Variants in CPED1 observed in about 807,000 individuals in gnomAD.
The protein encoded by CPED1 is cadherin like and PC-esterase domain containing 1, also known as cadherin-like and PC-esterase domain-containing protein 1.
Under a neutral mutation model 128.2 loss-of-function variants are expected in CPED1, and 114 were observed. That is an observed-to-expected ratio of 0.89 (90% confidence interval 0.76 to 1.04). CPED1 has a LOEUF of 1.04. CPED1 is among the 50% of genes least tolerant of loss of function. The pLI is 0.00. For synonymous variants in CPED1, 462 were observed against 426.7 expected (o/e 1.08, Z -1.02); for missense variants, 1,211 against 1,207.1 (o/e 1.00, Z -0.05).
At chr7:121,270,403 T>C (rs1490683486) in intron 21 of CPED1, among the ~76,000 whole-genome samples, 1 of 152,176 alleles carries the variant, frequency 6.6e-6, no homozygotes, top group Non-Finnish European at 1.5e-5. Flanking sequence ...GTTCCACTTA[T>C]CAATTTTTGG....
rs1794898682 is a variant in CPED1, at chr7:121,103,375, T to A, written c.918+3281T>A. 2.0e-5 allele frequency among the ~76,000 whole-genome samples: 3 copies of A among 152,306 alleles called. No individual in the cohort carries two copies. In the South Asian group the frequency reaches 6.2e-4, roughly 32 times the overall value. Reference sequence around the variant, plus strand: ...GTGGAGAAAGTGATTGTTTCCTTACTAGTTCAAAGTTACGCTTGATGATAC... The same window carrying A: ...GTGGAGAAAGTGATTGTTTCCTTACAAGTTCAAAGTTACGCTTGATGATAC... On this transcript the variant is annotated intron_variant, in intron 7 of 22. Coordinates refer to ENST00000310396, the MANE Select transcript of CPED1 (RefSeq NM_024913.5).
At chr7:121,094,855 T>G (rs1364686993) in intron 5 of CPED1, among the ~76,000 whole-genome samples, 1 of 152,176 alleles carries the variant, frequency 6.6e-6, no homozygotes, top group Non-Finnish European at 1.5e-5. Context: ...AATTGTTCAC[T>G]TTTATTCTGG....
chr7:121,127,041 T>A, intron 9 of CPED1, 49 bp from the exon 10 acceptor site: 1 of 1,369,252 alleles, frequency 7.3e-7, no homozygotes, highest in Non-Finnish European at 9.9e-7. Flanking sequence ...TCCATTGTCT[T>A]AAAAGTAAAT....
intron 3 of CPED1, among the ~76,000 whole-genome samples, chr7:121,046,051 A>G (rs1793185522): frequency 6.6e-6 from 1 of 152,042 alleles, no homozygotes; most frequent in African/African-American, 2.4e-5. Context: ...ATAGATATAT[A>G]GATATATAGC....
chr7:121,216,108 A>G (rs887384101), intron 16 of CPED1, among the ~76,000 whole-genome samples: 2 of 152,032 alleles, frequency 1.3e-5, no homozygotes, highest in African/African-American at 2.4e-5. Context: ...ACAACTTTCT[A>G]GATAGTTAGG....
chr7:121,053,859 A>G (rs1167441448), intron 4 of CPED1, among the ~76,000 whole-genome samples: 3 of 152,172 alleles, frequency 2.0e-5, no homozygotes, highest in Non-Finnish European at 4.4e-5. Flanking sequence ...AATCAGTACT[A>G]TTGTTATTAA....
At chr7:121,282,425 G>T (rs1792480721) in intron 22 of CPED1, among the ~76,000 whole-genome samples, 1 of 152,064 alleles carries the variant, frequency 6.6e-6, no homozygotes, top group African/African-American at 2.4e-5. Flanking sequence ...ACCCAAATGG[G>T]CACATTTCCA....
intron 18 of CPED1, among the ~76,000 whole-genome samples, chr7:121,251,502 A>C (rs1248737211): frequency 3.9e-5 from 6 of 152,182 alleles, no homozygotes; most frequent in Non-Finnish European, 8.8e-5. Flanking sequence ...AGGGCATTCA[A>C]TTAGGAAAAG....
intron 4 of CPED1, among the ~76,000 whole-genome samples, chr7:121,063,184 G>C (rs138342273): frequency 3.2e-4 from 48 of 152,202 alleles, no homozygotes; most frequent in South Asian, 1.5e-3. Context: ...TCGGGGAAAA[G>C]AGAGTTTGCT....
chr7:121,099,821 G>C (rs574258870), intron 6 of CPED1, 105 bp from the exon 7 acceptor site: 33 of 1,177,820 alleles, frequency 2.8e-5, no homozygotes, highest in Non-Finnish European at 3.8e-5. Flanking sequence ...GAGGGCTGGC[G>C]TCCTACAAAG....
intron 16 of CPED1, among the ~76,000 whole-genome samples, chr7:121,179,915 GA>G (rs1185152108): frequency 6.6e-6 from 1 of 151,852 alleles, no homozygotes; most frequent in Non-Finnish European, 1.5e-5. Context: ...TTTTTTAAGG[GA>G]AAAAAATGAA....
intron 4 of CPED1, chr7:121,051,997 T>C (rs770931165): frequency 1.3e-5 from 2 of 151,928 alleles, no homozygotes; most frequent in African/African-American, 2.4e-5. Flanking sequence ...ATCTCAATTA[T>C]GAAAGAAAAA....
intron 22 of CPED1, among the ~76,000 whole-genome samples, chr7:121,279,695 C>A (rs778141761): frequency 6.6e-6 from 1 of 152,158 alleles, no homozygotes; most frequent in Non-Finnish European, 1.5e-5. Context: ...TGGTAGACCC[C>A]TGAGTTCCTT....
At chr7:120,992,255 T>C (rs1308766345) in intron 2 of CPED1, among the ~76,000 whole-genome samples, 2 of 152,334 alleles carry the variant, frequency 1.3e-5, no homozygotes, top group African/African-American at 4.8e-5. Context: ...ATTGTTTCTA[T>C]CTGTAAATTT....
intron 16 of CPED1, among the ~76,000 whole-genome samples, chr7:121,166,073 A>G (rs547225232): frequency 6.6e-6 from 1 of 152,314 alleles, no homozygotes; most frequent in East Asian, 1.9e-4. Flanking sequence ...CTAATTATGT[A>G]AACACAACTT....
chr7:121,137,313 A>G (rs1795806285), intron 14 of CPED1, among the ~76,000 whole-genome samples: 1 of 152,026 alleles, frequency 6.6e-6, no homozygotes, highest in Non-Finnish European at 1.5e-5. Context: ...CTAGGACTAT[A>G]GGCATGAGCT....
At chr7:121,086,466 G>A (rs965676422) in intron 5 of CPED1, among the ~76,000 whole-genome samples, 3 of 152,126 alleles carry the variant, frequency 2.0e-5, no homozygotes, top group Admixed American at 1.3e-4. Context: ...CCTCAATTAT[G>A]TAGAATATGG....
intron 16 of CPED1, among the ~76,000 whole-genome samples, chr7:121,233,050 G>A (rs1189140487): frequency 6.6e-6 from 1 of 152,076 alleles, no homozygotes. Flanking sequence ...ATGAGAAACT[G>A]TGATCAGGCA....
chr7:121,010,271 T>G (rs1271839666), intron 2 of CPED1, among the ~76,000 whole-genome samples: 1 of 152,156 alleles, frequency 6.6e-6, no homozygotes, highest in East Asian at 1.9e-4. Flanking sequence ...AAAATTTTCT[T>G]GAGACAGTCT....
Sources: gnomAD v4.1 joint callset for allele counts (sites outside exome capture counted in the v4.1 genomes callset) on GRCh38, gnomAD v4.1.1 for gene constraint, MANE v1.5 for transcripts, NCBI Gene and HGNC (gene_info 2026-07-23, HGNC 2026-07-21) for gene names.